Variants in GALNS observed in about 807,000 individuals in gnomAD.
GALNS encodes the protein galactosamine (N-acetyl)-6-sulfatase, also known as N-acetylgalactosamine-6-sulfatase.
A neutral mutation model predicts 65.9 loss-of-function variants in GALNS; 65 were observed. The observed-to-expected ratio is 0.99, with a 90% CI of 0.81 to 1.21. The LOEUF (loss-of-function observed/expected upper bound fraction) is 1.21, where lower values mean the gene tolerates loss of function less well. Among genes scored for constraint, GALNS ranks in the 50% most tolerant of loss-of-function variants. The pLI is 0.00. For missense variants in GALNS, 776 were observed against 700.7 expected, an observed-to-expected ratio of 1.11 and a Z score of -1.21; for synonymous variants, 346 against 288.9, an observed-to-expected ratio of 1.20 and a Z score of -2.00.
At chr16:88,821,533 T>TGGAGG (rs1385956213) in intron 12 of GALNS, among the ~76,000 whole-genome samples, 1 of 152,108 alleles carries the variant, frequency 6.6e-6, no homozygotes, top group African/African-American at 2.4e-5. Flanking sequence ...GGACGCTCGG[T>TGGAGG]GGAGGAGAGG....
intron 5 of GALNS, among the ~76,000 whole-genome samples, chr16:88,836,614 A>G (rs140528276): frequency 0.039 from 5,874 of 151,932 alleles, 148 homozygotes; most frequent in South Asian, 0.084. Context: ...AGATCGCGCC[A>G]CTGCAATCCA....
rs573137021 is a variant in GALNS at position 88,817,362 on chromosome 16, G to A, written c.1482+645C>T. ...GTGATGAGGCCGTTTCTCTACTGGAGGTGAACAAGGCCTGGTCTTGTCAGG... is the reference window on the plus strand; with the variant it reads ...GTGATGAGGCCGTTTCTCTACTGGAAGTGAACAAGGCCTGGTCTTGTCAGG... On this transcript the variant is annotated intron_variant, in intron 13 of 13. Coordinates refer to ENST00000268695, the MANE Select transcript of GALNS (RefSeq NM_000512.5). The A allele has an allele frequency of 7.7e-4, 762 of 985,460 alleles. 1 individual carries two copies. The highest frequency in any genetic ancestry group is 5.6e-3 in the Admixed American group (92 of 16,284). 61.0% of individuals were successfully genotyped at this position (985,460 alleles called of 1,614,324 possible). A position where few individuals can be genotyped will look rare whatever the true frequency, so the allele number is the denominator to read the frequency against.
chr16:88,818,128 G>T lies in GALNS; in HGVS notation c.1365-4C>A. On this transcript the variant is annotated splice_polypyrimidine_tract_variant and splice_region_variant and intron_variant, in intron 12 of 13. Transcript: ENST00000268695. Reference sequence around the variant, plus strand: ...CTGGTACTCGGCGCTGGCAAAGCTGGGGACAGAGAGCTCTGGTCACACGGC... The same window carrying T: ...CTGGTACTCGGCGCTGGCAAAGCTGTGGACAGAGAGCTCTGGTCACACGGC... 6.4e-7 allele frequency: 1 copy of T among 1,570,936 alleles called. No homozygotes were observed. Among genetic ancestry groups the T allele is most frequent in the Non-Finnish European group, 8.6e-7 (1 of 1,166,166 alleles).
intron 2 of GALNS, 176 bp downstream of exon 2, chr16:88,842,530 G>T: frequency 1.3e-6 from 1 of 753,186 alleles, no homozygotes; most frequent in Non-Finnish European, 2.1e-6. Flanking sequence ...ACCCCACATG[G>T]CACGGAGCCG....
intron 1 of GALNS, chr16:88,855,493 C>T (rs1039288677): frequency 4.4e-5 from 31 of 702,718 alleles, no homozygotes; most frequent in Middle Eastern, 4.6e-4. Context: ...GACCCCTGGG[C>T]GCTGGAGAGC....
intron 3 of GALNS, among the ~76,000 whole-genome samples, chr16:88,841,455 A>G (rs921499564): frequency 2.7e-5 from 4 of 147,204 alleles, no homozygotes; most frequent in Non-Finnish European, 4.5e-5. Context: ...GCACTGCCCC[A>G]CCCCTGCCTC....
intron 8 of GALNS, among the ~76,000 whole-genome samples, chr16:88,834,468 G>A (rs538322493): frequency 3.2e-4 from 21 of 65,764 alleles, no homozygotes; most frequent in African/African-American, 1.2e-3. Context: ...GGCCCCCCCC[G>A]TGTGGTCTGG....
intron 8 of GALNS, among the ~76,000 whole-genome samples, chr16:88,834,461 C>A (rs186936383): frequency 1.9e-5 from 1 of 52,404 alleles, no homozygotes; most frequent in Non-Finnish European, 3.6e-5. Flanking sequence ...GCTGTAGGGC[C>A]CCCCCCGTGT....
At position 88,855,589 on chromosome 16, in the gene GALNS, G is replaced by C. The variant is rs183036835; in HGVS notation, c.120+1169C>G. 8 of 660,338 alleles carry C rather than the reference G, an allele frequency of 1.2e-5. No individual in the cohort carries two copies. The Admixed American group carries it at 1.7e-4, about 14-fold the overall frequency. 40.9% of individuals were successfully genotyped at this position (660,338 alleles called of 1,614,324 possible). On this transcript the variant is annotated intron_variant, in intron 1 of 13. Transcript: ENST00000268695. The stretch of plus-strand genomic sequence containing the variant: ...CAGGACTGTCGGCTGTCACCCCTGG[G>C]TGGGGAAATTATGGGTGGTGTCTGT...
At chr16:88,849,931 C>T (rs931670286) in intron 1 of GALNS, among the ~76,000 whole-genome samples, 7 of 152,326 alleles carry the variant, frequency 4.6e-5, no homozygotes, top group East Asian at 1.9e-4. Flanking sequence ...TGGGCGAATG[C>T]GCCCATGTCA....
At chr16:88,832,194 G>T (rs1467719685) in intron 8 of GALNS, 93 bp from the exon 9 acceptor site, 17 of 1,171,346 alleles carry the variant, frequency 1.5e-5, no homozygotes, top group Non-Finnish European at 2.1e-5. Flanking sequence ...CTGGTCATAG[G>T]GACAAAGGGC....
intron 1 of GALNS, chr16:88,855,444 C>T: frequency 1.4e-6 from 1 of 702,834 alleles, no homozygotes; most frequent in Non-Finnish European, 2.6e-6. Flanking sequence ...AGATGCCACT[C>T]AGTGCAGAGA....
Position 88,832,033 on chromosome 16 carries a change from G to C in GALNS, c.967C>G (p.Leu323Val), listed in dbSNP as rs1321195969. 4 of 1,613,698 alleles carry C rather than the reference G, an allele frequency of 2.5e-6. No homozygotes were observed. Among genetic ancestry groups the C allele is most frequent in the South Asian group, 1.1e-5 (1 of 91,080 alleles). The change falls in exon 9 of 14, where the codon CTC becomes GTC. Residue 323 changes from leucine (L) to valine (V), a missense_variant. Transcript: ENST00000268695. Reference sequence around the variant, plus strand: ...GTGACGTGCCCTGGCCACCATGCGAGGGCAGGCTCCCTCATCCCTCCTTCA... The same window carrying C: ...GTGACGTGCCCTGGCCACCATGCGACGGCAGGCTCCCTCATCCCTCCTTCA... ...TFEGGMREPA[L>V]AWWPGHVTAG... is the part of the protein sequence containing the mutation.
At chr16:88,836,320 C>G in intron 5 of GALNS, 53 bp from the exon 6 acceptor site, 1 of 1,427,896 alleles carries the variant, frequency 7.0e-7, no homozygotes. Flanking sequence ...AAGAAAGTCC[C>G]GTTCTCCCTG....
In GALNS at chr16:88,835,847, T is replaced by G; in HGVS notation, c.636A>C (p.Glu212Asp). ...EANLTQIYLQ[E>D]ALDFIKRQAR... is the part of the protein sequence containing the mutation. ...CCTGTCTCTTAATGAAGTCCAGGGC[T>G]TCCTATGGAGAGAGCCACACCGTCG... The change falls in exon 7 of 14, where the codon GAA becomes GAC. Residue 212 changes from glutamate (E) to aspartate (D), a missense_variant and splice_region_variant. Coordinates refer to ENST00000268695, the MANE Select transcript of GALNS (RefSeq NM_000512.5). 6.2e-7 allele frequency: 1 copy of G among 1,614,044 alleles called. No individual in the cohort carries two copies. Among genetic ancestry groups the G allele is most frequent in the Non-Finnish European group, 8.5e-7 (1 of 1,179,998 alleles).
chr16:88,821,888 C>A (rs557024800), intron 12 of GALNS, among the ~76,000 whole-genome samples: 1 of 152,170 alleles, frequency 6.6e-6, no homozygotes, highest in Non-Finnish European at 1.5e-5. Flanking sequence ...CATGCACGTG[C>A]CCCAGGACCC....
intron 12 of GALNS, 75 bp from the exon 13 acceptor site, chr16:88,818,199 G>A: frequency 2.6e-6 from 3 of 1,169,152 alleles, no homozygotes; most frequent in African/African-American, 1.5e-5. Context: ...TGGACAGGCT[G>A]AGGCTGCAGA....
intron 1 of GALNS, chr16:88,855,501 A>G (rs1451882969): frequency 2.8e-6 from 2 of 702,770 alleles, no homozygotes; most frequent in East Asian, 5.4e-5. Flanking sequence ...GGCGCTGGAG[A>G]GCGTGCTCTG....
intron 11 of GALNS, among the ~76,000 whole-genome samples, chr16:88,824,268 G>T (rs564336701): frequency 6.6e-6 from 1 of 152,212 alleles, no homozygotes; most frequent in South Asian, 2.1e-4. Context: ...GAGGGCTCGT[G>T]GGAGAAAGCC....
Sources: allele counts gnomAD v4.1 joint callset (sites outside exome capture counted in the v4.1 genomes callset), GRCh38; gene constraint gnomAD v4.1.1; transcripts MANE v1.5; gene names NCBI Gene and HGNC (gene_info 2026-07-23, HGNC 2026-07-21).